The following CTNND2 variants were observed in gnomAD, a reference collection of about 807,000 sequenced individuals.
The protein encoded by CTNND2 is catenin delta-2.
In CTNND2, 22 loss-of-function variants were observed where a neutral mutation model predicts 144.4. That is an observed-to-expected ratio of 0.15 (90% CI 0.11 to 0.22). The LOEUF is 0.22. Ranked by LOEUF, CTNND2 falls within the 10% of genes least tolerant of loss-of-function variation. The pLI, the probability that CTNND2 is intolerant of heterozygous loss-of-function variation, is 1.00. For missense variants in CTNND2, 1,353 were observed against 1,618.8 expected, an observed-to-expected ratio of 0.84 and a Z score of 2.82; for synonymous variants, 751 against 695.6, an observed-to-expected ratio of 1.08 and a Z score of -1.25.
chr5:11,354,953 C>T, intron 8 of CTNND2, among the ~76,000 whole-genome samples: 1 of 152,152 alleles, frequency 6.6e-6, no homozygotes, highest in Non-Finnish European at 1.5e-5. Context: ...ACTTTGGAAA[C>T]TTTACAAATA....
At chr5:11,762,257 C>T (rs1425204488) in intron 1 of CTNND2, among the ~76,000 whole-genome samples, 2 of 152,012 alleles carry the variant, frequency 1.3e-5, no homozygotes, top group Admixed American at 6.6e-5. Context: ...ACTCGTTGCC[C>T]AGACATCTTA....
At chr5:11,589,146 A>C in intron 2 of CTNND2, 1 of 494,182 alleles carries the variant, frequency 2.0e-6, no homozygotes, top group Non-Finnish European at 2.6e-6. Flanking sequence ...TTAGACCCCC[A>C]TTGGCATTAT....
At chr5:11,279,290 C>T (rs1167431891) in intron 9 of CTNND2, among the ~76,000 whole-genome samples, 1 of 152,144 alleles carries the variant, frequency 6.6e-6, no homozygotes, top group Non-Finnish European at 1.5e-5. Flanking sequence ...CCAAAACTGT[C>T]CCTCTCACCA....
chr5:11,708,351 A>T (rs1260772840), intron 2 of CTNND2, among the ~76,000 whole-genome samples: 1 of 152,192 alleles, frequency 6.6e-6, no homozygotes, highest in Non-Finnish European at 1.5e-5. Flanking sequence ...GCAATTAAAC[A>T]TTACCAAAGG....
At chr5:11,522,053 G>A (rs1239546259) in intron 3 of CTNND2, among the ~76,000 whole-genome samples, 2 of 152,166 alleles carry the variant, frequency 1.3e-5, no homozygotes, top group Non-Finnish European at 2.9e-5. Flanking sequence ...AAATCAAGCA[G>A]ACACAGTGCA....
At chr5:11,637,184 T>C (rs963034307) in intron 2 of CTNND2, among the ~76,000 whole-genome samples, 1 of 152,192 alleles carries the variant, frequency 6.6e-6, no homozygotes, top group Non-Finnish European at 1.5e-5. Context: ...CTTAAATTTG[T>C]CTATTTCTAA....
intron 10 of CTNND2, among the ~76,000 whole-genome samples, chr5:11,224,057 G>A (rs973280422): frequency 6.6e-6 from 1 of 152,054 alleles, no homozygotes. Flanking sequence ...CTTCTTACTC[G>A]GCTTTTCCCC....
chr5:11,454,409 ACT>A (rs1380294207), intron 3 of CTNND2, among the ~76,000 whole-genome samples: 1 of 151,950 alleles, frequency 6.6e-6, no homozygotes, highest in Non-Finnish European at 1.5e-5. Context: ...ACAGAGCGAG[ACT>A]CCGTCTAATA....
At chr5:11,074,611 AG>A (rs1748714471) in intron 16 of CTNND2, among the ~76,000 whole-genome samples, 1 of 152,168 alleles carries the variant, frequency 6.6e-6, no homozygotes, top group South Asian at 2.1e-4. Context: ...TCCATTATAA[AG>A]CTTTATATGT....
Position 11,346,549 on chromosome 5 carries a change from G to C in CTNND2, c.1451C>G (p.Ala484Gly). 6.2e-7 allele frequency: 1 copy of C among 1,604,342 alleles called. No homozygotes were observed. Among genetic ancestry groups the C allele is most frequent in the Non-Finnish European group, 8.5e-7 (1 of 1,175,626 alleles). Residue 484 changes from alanine to glycine, a missense_variant, in exon 9 of 22, where the codon GCC becomes GGC. By Grantham distance (60) the Ala-to-Gly change is moderately conservative. Coordinates refer to ENST00000304623, the MANE Select transcript of CTNND2 (RefSeq NM_001332.4). ...GGCATAGCTGGCCCTCTGGAAGGTG[G>C]CCGCGGCGGCATTCTGTGGGCCGTG... Reference protein sequence around the residue: ...SQHGPQNAAAATFQRASYAAG... With the variant: ...SQHGPQNAAAGTFQRASYAAG...
At chr5:11,492,505 A>ATATGTG in intron 3 of CTNND2, among the ~76,000 whole-genome samples, 1 of 140,434 alleles carries the variant, frequency 7.1e-6, no homozygotes, top group South Asian at 2.3e-4. Context: ...ATATATATAT[A>ATATGTG]TGTGTGTGTG....
chr5:11,453,607 T>C (rs950674308), intron 3 of CTNND2, among the ~76,000 whole-genome samples: 1 of 152,228 alleles, frequency 6.6e-6, no homozygotes, highest in Non-Finnish European at 1.5e-5. Flanking sequence ...AAGAGATTTC[T>C]ATCTGAAAGT....
At chr5:11,291,481 T>C (rs903090817) in intron 9 of CTNND2, among the ~76,000 whole-genome samples, 2 of 152,124 alleles carry the variant, frequency 1.3e-5, no homozygotes, top group African/African-American at 4.8e-5. Context: ...CCACTTCCAA[T>C]TCCTTACACA....
chr5:11,836,836 AT>A (rs1794210812), intron 1 of CTNND2, among the ~76,000 whole-genome samples: 2 of 152,246 alleles, frequency 1.3e-5, no homozygotes, highest in South Asian at 4.1e-4. Context: ...CAAATGACCT[AT>A]GCTGCCTCTG....
chr5:11,365,828 C>T (rs1019703368), intron 7 of CTNND2, among the ~76,000 whole-genome samples: 10 of 152,058 alleles, frequency 6.6e-5, no homozygotes, highest in South Asian at 4.1e-4. Context: ...AGAAACGTCA[C>T]GAAAATCATT....
At chr5:11,710,363 A>G (rs1785953534) in intron 2 of CTNND2, among the ~76,000 whole-genome samples, 1 of 152,122 alleles carries the variant, frequency 6.6e-6, no homozygotes, top group African/African-American at 2.4e-5. Context: ...CAACATGGTG[A>G]AATCTGTCTC....
intron 9 of CTNND2, among the ~76,000 whole-genome samples, chr5:11,328,490 G>A (rs1204174156): frequency 6.6e-6 from 1 of 151,878 alleles, no homozygotes; most frequent in Admixed American, 6.6e-5. Context: ...TTTTTGTAGA[G>A]ATGGGGTTTG....
At chr5:11,902,411 C>A (rs1737985683) in intron 1 of CTNND2, among the ~76,000 whole-genome samples, 1 of 152,166 alleles carries the variant, frequency 6.6e-6, no homozygotes, top group Non-Finnish European at 1.5e-5. Context: ...AAACACTTCT[C>A]CATGGGATTT....
chr5:11,181,029 T>C (rs1423128670), intron 11 of CTNND2, among the ~76,000 whole-genome samples: 1 of 152,084 alleles, frequency 6.6e-6, no homozygotes, highest in Non-Finnish European at 1.5e-5. Flanking sequence ...TTGGGCAGGT[T>C]AGGCAGGCTG....
Sources: allele counts gnomAD v4.1 joint callset (sites outside exome capture counted in the v4.1 genomes callset), GRCh38; gene constraint gnomAD v4.1.1; transcripts MANE v1.5; gene names NCBI Gene and HGNC (gene_info 2026-07-23, HGNC 2026-07-21).